SCHIP1: variants seen among roughly 807,000 people sequenced by gnomAD.
The protein encoded by SCHIP1 is schwannomin interacting protein 1.
Under a neutral mutation model 29.7 loss-of-function variants are expected in SCHIP1, and 8 were observed. The ratio of observed to expected loss-of-function variants is 0.27; its 90% CI spans 0.16 to 0.49. The LOEUF (loss-of-function observed/expected upper bound fraction) is 0.49, where lower values mean the gene tolerates loss of function less well. Among genes scored for constraint, SCHIP1 ranks in the 20% least tolerant of loss-of-function variants. The probability of loss-of-function intolerance (pLI) is 0.99; values close to 1 mark genes in which losing one functional copy is unlikely to be tolerated. For missense variants in SCHIP1, 193 were observed against 294.6 expected, an observed-to-expected ratio of 0.66 and a Z score of 2.52; for synonymous variants, 76 against 94.9, an observed-to-expected ratio of 0.80 and a Z score of 1.16.
the SCHIP1 span, among the ~76,000 whole-genome samples, chr3:159,598,142 A>G: frequency 3.9e-5 from 6 of 152,278 alleles, no homozygotes; most frequent in Non-Finnish European, 8.8e-5. Flanking sequence ...TTGGATTACA[A>G]TTTAAGATGA....
chr3:159,375,024 G>T, the SCHIP1 span, among the ~76,000 whole-genome samples: 1 of 152,056 alleles, frequency 6.6e-6, no homozygotes, highest in Non-Finnish European at 1.5e-5. Flanking sequence ...TAGATGTATT[G>T]GGTCATATTA....
the SCHIP1 span, among the ~76,000 whole-genome samples, chr3:159,831,437 C>T: frequency 2.8e-4 from 42 of 152,192 alleles, no homozygotes; most frequent in African/African-American, 9.9e-4. Context: ...TGCCTGAAAC[C>T]GTGGATAGTC....
intron 1 of SCHIP1, among the ~76,000 whole-genome samples, chr3:159,857,146 C>T (rs1713479231): frequency 6.6e-6 from 1 of 152,190 alleles, no homozygotes; most frequent in Non-Finnish European, 1.5e-5. Context: ...ATAAAGCTTC[C>T]TGGCTCGTGG....
At chr3:159,845,755 G>A (rs1284153163) in intron 1 of SCHIP1, 1 of 152,178 alleles carries the variant, frequency 6.6e-6, no homozygotes, top group Non-Finnish European at 1.5e-5. Flanking sequence ...CAGAGTATGT[G>A]TTCAATAAAT....
chr3:159,732,659 C>T, the SCHIP1 span, among the ~76,000 whole-genome samples: 1 of 149,216 alleles, frequency 6.7e-6, no homozygotes, highest in Admixed American at 6.6e-5. Context: ...GAGGCATTTC[C>T]AGGGCAGGGC....
chr3:159,388,269 T>C, the SCHIP1 span, among the ~76,000 whole-genome samples: 1 of 152,094 alleles, frequency 6.6e-6, no homozygotes, highest in Non-Finnish European at 1.5e-5. Flanking sequence ...TAAGAAACAA[T>C]TGCTTTGCTA....
At chr3:159,509,994 C>T in the SCHIP1 span, among the ~76,000 whole-genome samples, 1,060 of 152,168 alleles carry the variant, frequency 7.0e-3, 15 homozygotes, top group Non-Finnish European at 0.011. Context: ...CTCTGTATTT[C>T]CTGAATTTTA....
At chr3:159,295,463 T>C in the SCHIP1 span, among the ~76,000 whole-genome samples, 3 of 152,020 alleles carry the variant, frequency 2.0e-5, no homozygotes, top group African/African-American at 7.2e-5. Flanking sequence ...CAATCAATAA[T>C]AAGATTTGCC....
At chr3:159,296,309 T>C in the SCHIP1 span, among the ~76,000 whole-genome samples, 1 of 152,188 alleles carries the variant, frequency 6.6e-6, no homozygotes, top group East Asian at 1.9e-4. Flanking sequence ...TTTCTTATTT[T>C]AATATGTTTA....
chr3:159,524,758 G>A, the SCHIP1 span, among the ~76,000 whole-genome samples: 1 of 152,200 alleles, frequency 6.6e-6, no homozygotes, highest in Non-Finnish European at 1.5e-5. Flanking sequence ...GCAGATGTGA[G>A]CAGTGAAGAG....
the SCHIP1 span, among the ~76,000 whole-genome samples, chr3:159,298,298 T>C: frequency 1.3e-5 from 2 of 152,168 alleles, no homozygotes; most frequent in East Asian, 3.9e-4. Flanking sequence ...CTTCCCAAAC[T>C]ACTCCCTACA....
At chr3:159,286,587 CTAA>C in the SCHIP1 span, among the ~76,000 whole-genome samples, 4 of 152,180 alleles carry the variant, frequency 2.6e-5, no homozygotes, top group Admixed American at 2.6e-4. Context: ...GAGTATATAC[CTAA>C]TAATAGGATT....
At chr3:159,709,813 G>T in the SCHIP1 span, among the ~76,000 whole-genome samples, 1 of 152,226 alleles carries the variant, frequency 6.6e-6, no homozygotes, top group Non-Finnish European at 1.5e-5. Flanking sequence ...CAGGGGAAGT[G>T]AAGGCAGTTT....
At chr3:159,369,325 T>A in the SCHIP1 span, among the ~76,000 whole-genome samples, 1 of 152,172 alleles carries the variant, frequency 6.6e-6, no homozygotes, top group South Asian at 2.1e-4. Flanking sequence ...ATAAATGTAC[T>A]GTTGAGGAAT....
chr3:159,733,920 T>C, the SCHIP1 span, among the ~76,000 whole-genome samples: 4 of 152,098 alleles, frequency 2.6e-5, no homozygotes, highest in East Asian at 3.9e-4. Context: ...TTCAGAAACA[T>C]TGGTGTCCCA....
At chr3:159,727,064 T>A in the SCHIP1 span, among the ~76,000 whole-genome samples, 1 of 152,298 alleles carries the variant, frequency 6.6e-6, no homozygotes, top group Non-Finnish European at 1.5e-5. Flanking sequence ...TATGAACTAA[T>A]GTCATTAAAG....
chr3:159,658,398 A>G, the SCHIP1 span, among the ~76,000 whole-genome samples: 1 of 152,204 alleles, frequency 6.6e-6, no homozygotes, highest in Admixed American at 6.5e-5. Context: ...TGCAAGTCAG[A>G]TACAATACAC....
At chr3:159,895,259 T>G (rs1199400334) in intron 6 of SCHIP1, among the ~76,000 whole-genome samples, 1 of 152,212 alleles carries the variant, frequency 6.6e-6, no homozygotes, top group Non-Finnish European at 1.5e-5. Flanking sequence ...TTCCATTTAT[T>G]TATGGGCTGC....
At chr3:159,551,312 C>G in the SCHIP1 span, among the ~76,000 whole-genome samples, 1 of 152,150 alleles carries the variant, frequency 6.6e-6, no homozygotes, top group African/African-American at 2.4e-5. Context: ...GTATGCCAAA[C>G]TATATAATAG....
Sources: gnomAD v4.1 joint callset for allele counts (sites outside exome capture counted in the v4.1 genomes callset) on GRCh38, gnomAD v4.1.1 for gene constraint, MANE v1.5 for transcripts, NCBI Gene and HGNC (gene_info 2026-07-23, HGNC 2026-07-21) for gene names.